TMPRSS7: variants seen among roughly 807,000 people sequenced by gnomAD.
TMPRSS7 encodes transmembrane serine protease 7, also known as transmembrane protease serine 7.
In TMPRSS7, 81 loss-of-function variants were observed where a neutral mutation model predicts 95.6. The ratio of observed to expected loss-of-function variants is 0.85; its 90% CI spans 0.71 to 1.02. The LOEUF is 1.02. Among genes scored for constraint, TMPRSS7 ranks in the 50% least tolerant of loss-of-function variants. The probability of loss-of-function intolerance (pLI) is 0.00; values close to 1 mark genes in which losing one functional copy is unlikely to be tolerated. For synonymous variants in TMPRSS7, 364 were observed against 337.8 expected, an observed-to-expected ratio of 1.08 and a Z score of -0.85; for missense variants, 945 against 955.2, an observed-to-expected ratio of 0.99 and a Z score of 0.14.
intron 2 of TMPRSS7, among the ~76,000 whole-genome samples, chr3:112,038,699 C>T (rs565130622): frequency 1.3e-5 from 2 of 152,296 alleles, no homozygotes; most frequent in South Asian, 2.1e-4. Context: ...CCAGGCTGGT[C>T]CCAAACTCCT....
chr3:112,065,718 C>G lies in TMPRSS7; in HGVS notation c.1556-674C>G, dbSNP rs114163474. Among the ~76,000 whole-genome samples, 656 of 152,314 alleles carry G rather than the reference C, an allele frequency of 4.3e-3. 8 individuals are homozygous for G. The highest frequency in any genetic ancestry group is 0.015 in the African/African-American group (620 of 41,558). On this transcript the variant is annotated intron_variant, in intron 12 of 17. Transcript: ENST00000452346. ...GCAGATAGCAAAACTGATAACTATTCACAAAACCAGAAATGTCTAAGGAAT... is the reference window on the plus strand; with the variant it reads ...GCAGATAGCAAAACTGATAACTATTGACAAAACCAGAAATGTCTAAGGAAT...
chr3:112,060,616 A>C (rs2073490530), intron 10 of TMPRSS7, among the ~76,000 whole-genome samples: 1 of 152,238 alleles, frequency 6.6e-6, no homozygotes, highest in Non-Finnish European at 1.5e-5. Flanking sequence ...GTTTAAGGTT[A>C]TCTCTCTTGT....
chr3:112,074,298 A>T lies in TMPRSS7; in HGVS notation c.1669A>T (p.Ile557Phe). 1.2e-6 allele frequency: 2 copies of T among 1,610,030 alleles called. No individual in the cohort carries two copies. Among genetic ancestry groups the T allele is most frequent in the Non-Finnish European group, 1.7e-6 (2 of 1,176,746 alleles). Residue 557 changes from isoleucine (I) to phenylalanine (F), a missense_variant and splice_region_variant, in exon 14 of 18, where the codon ATT becomes TTT. By Grantham distance (21) the Ile-to-Phe change is conservative. Coordinates refer to ENST00000452346, the Ensembl canonical transcript of TMPRSS7. ...TTTCTTCTTTTGTCCATTGTTAGGT[A>T]TTCCATGCAACAACAGAACTTTTAA...
intron 9 of TMPRSS7, among the ~76,000 whole-genome samples, chr3:112,054,658 T>C (rs550302139): frequency 6.6e-6 from 1 of 150,706 alleles, no homozygotes; most frequent in Admixed American, 6.6e-5. Context: ...TGTAGAAGAT[T>C]GCACTGGAAG....
At chr3:112,050,529 A>AAAAAAAAAAAAAAC (rs1553763207) in intron 8 of TMPRSS7, 142 bp from the exon 9 acceptor site, 2 of 360,272 alleles carry the variant, frequency 5.6e-6, no homozygotes, top group East Asian at 8.8e-5. Context: ...TCTGAAAAAA[A>AAAAAAAAAAAAAAC]AAAAAAAAAC....
rs376040109 is a variant in TMPRSS7 at position 112,076,940 on chromosome 3, G to C, written c.2020G>C (p.Val674Leu). The C allele has an allele frequency of 5.6e-6, 9 of 1,614,216 alleles. No individual in the cohort carries two copies. The East Asian group carries it at 1.6e-4, about 28-fold the overall frequency. The change falls in exon 16 of 18, where the codon GTC becomes CTC. Residue 674 changes from valine (V) to leucine (L), a missense_variant. Coordinates refer to ENST00000452346, the Ensembl canonical transcript of TMPRSS7. The stretch of plus-strand genomic sequence containing the variant: ...GTATGTTCAGGGGAATGCCAAGTTT[G>C]TCTCCCCGGTGAGAAGAATTGTGGT...
intron 1 of TMPRSS7, among the ~76,000 whole-genome samples, chr3:112,035,965 G>A (rs941977863): frequency 3.3e-5 from 5 of 152,010 alleles, no homozygotes; most frequent in East Asian, 3.9e-4. Flanking sequence ...CAATGGCAGC[G>A]GCTGGCAATG....
chr3:112,075,352 C>T, exon 15 of TMPRSS7: 1 of 1,461,468 alleles, frequency 6.8e-7, no homozygotes, highest in Non-Finnish European at 9.1e-7. Flanking sequence ...CCCTTCACCG[C>T]ATCATCGGAG....
Position 112,049,955 on chromosome 3 carries a change from TG to T in TMPRSS7, c.1072del (p.Glu358ArgfsTer52). 6.4e-7 allele frequency: 1 copy of T among 1,572,080 alleles called. No individual in the cohort carries two copies. Among genetic ancestry groups the T allele is most frequent in the South Asian group, 1.2e-5 (1 of 85,246 alleles). On this transcript the variant is annotated frameshift_variant, in exon 8 of 18. Transcript: ENST00000452346. LOFTEE classifies it high-confidence loss of function. ...GGCTCTCAGGAATCCGGGCATATTT[TG>T]AGGTCATTCCAGAACAAAGTAAGTC...
At chr3:112,042,959 C>A (rs566623557) in intron 3 of TMPRSS7, 19 of 454,534 alleles carry the variant, frequency 4.2e-5, no homozygotes, top group African/African-American at 3.4e-4. Flanking sequence ...GAACTTGACA[C>A]AATGACTGGC....
chr3:112,074,436 G>T lies in TMPRSS7; in HGVS notation c.1783+24G>T, dbSNP rs774675425. On this transcript the variant is annotated intron_variant, in intron 14 of 17. Coordinates refer to ENST00000452346, the Ensembl canonical transcript of TMPRSS7. The stretch of plus-strand genomic sequence containing the variant: ...CAGTAAGTAGAAATTCATTCCTTTG[G>T]GTTCCTGTATTCCCTCTTCAGTTTA... 1.0e-5 allele frequency: 16 copies of T among 1,535,364 alleles called. No individual in the cohort carries two copies. The South Asian group carries it at 1.4e-4, about 13-fold the overall frequency.
chr3:112,054,830 C>T (rs1277058883), intron 9 of TMPRSS7, among the ~76,000 whole-genome samples: 2 of 145,984 alleles, frequency 1.4e-5, no homozygotes, highest in Non-Finnish European at 3.0e-5. Context: ...AGCTCCGCCT[C>T]CCAGGTTCAC....
chr3:112,081,196 G>T, downstream of TMPRSS7: 2 of 999,708 alleles, frequency 2.0e-6, no homozygotes, highest in Non-Finnish European at 2.8e-6. Flanking sequence ...ACGTTGGGAG[G>T]CCGAGGCGGG....
intron 2 of TMPRSS7, among the ~76,000 whole-genome samples, chr3:112,039,997 G>T (rs1383041169): frequency 6.6e-6 from 1 of 152,134 alleles, no homozygotes; most frequent in African/African-American, 2.4e-5. Flanking sequence ...CATCCAGTTG[G>T]TGTCTGCAAT....
chr3:112,046,912 C>A, intron 5 of TMPRSS7, 62 bp from the exon 6 acceptor site: 1 of 693,800 alleles, frequency 1.4e-6, no homozygotes, highest in Non-Finnish European at 2.6e-6. Flanking sequence ...TTTTACTAAG[C>A]AAAATTCTAA....
At chr3:112,056,946 A>G (rs2073439825) in intron 9 of TMPRSS7, 79 bp from the exon 10 acceptor site, 4 of 1,045,410 alleles carry the variant, frequency 3.8e-6, no homozygotes, top group Admixed American at 2.1e-5. Flanking sequence ...GAATGGCCTT[A>G]AAACAACAAG....
chr3:112,051,040 G>T (rs116191139), intron 9 of TMPRSS7, among the ~76,000 whole-genome samples: 1,592 of 152,068 alleles, frequency 0.01, 22 homozygotes, highest in Non-Finnish European at 0.012. Context: ...ATTATTGAAG[G>T]TTCAATTATT....
Position 112,074,425 on chromosome 3 carries a change from TC to T in TMPRSS7, c.1783+14del, listed in dbSNP as rs1344439319. Reference sequence around the variant, plus strand: ...GAAGAAGGCTGCAGTAAGTAGAAATTCATTCCTTTGGGTTCCTGTATTCCCT... The same window carrying T: ...GAAGAAGGCTGCAGTAAGTAGAAATTATTCCTTTGGGTTCCTGTATTCCCT... On this transcript the variant is annotated intron_variant, in intron 14 of 17. Coordinates refer to ENST00000452346, the Ensembl canonical transcript of TMPRSS7. 1.3e-6 allele frequency: 2 copies of T among 1,583,922 alleles called. No homozygotes were observed. Among genetic ancestry groups the T allele is most frequent in the African/African-American group, 2.7e-5 (2 of 74,394 alleles).
chr3:112,062,916 T>C (rs2073528488), intron 11 of TMPRSS7, among the ~76,000 whole-genome samples: 1 of 152,100 alleles, frequency 6.6e-6, no homozygotes, highest in South Asian at 2.1e-4. Flanking sequence ...AGGGAATGGA[T>C]CATTAATCAG....
Sources: gnomAD v4.1 joint callset for allele counts (sites outside exome capture counted in the v4.1 genomes callset) on GRCh38, gnomAD v4.1.1 for gene constraint, MANE v1.5 for transcripts, NCBI Gene and HGNC (gene_info 2026-07-23, HGNC 2026-07-21) for gene names.